The following XRCC4 variants were observed in gnomAD, a reference collection of about 807,000 sequenced individuals.
XRCC4 encodes the protein DNA repair protein XRCC4.
XRCC4 carries 28 observed loss-of-function variants against 39.1 expected under a neutral mutation model. The ratio of observed to expected loss-of-function variants is 0.72; its 90% confidence interval spans 0.53 to 0.98. XRCC4 has a LOEUF of 0.98. Ranked by LOEUF, XRCC4 falls within the 50% of genes least tolerant of loss-of-function variation. The pLI, the probability that XRCC4 is intolerant of heterozygous loss-of-function variation, is 0.00. For missense variants in XRCC4, 350 were observed against 376.4 expected (o/e 0.93, Z 0.58); for synonymous variants, 123 against 126.4 (o/e 0.97, Z 0.18).
chr5:83,108,944 G>C (rs1372530565), intron 2 of XRCC4, among the ~76,000 whole-genome samples: 1 of 150,770 alleles, frequency 6.6e-6, no homozygotes. Flanking sequence ...ACTTCCAATA[G>C]AGAAAATGTG....
chr5:83,189,359 C>A lies in XRCC4; in HGVS notation c.316-6411C>A, dbSNP rs570628243. Among the ~76,000 whole-genome samples, 290 of 152,080 alleles carry A rather than the reference C, an allele frequency of 1.9e-3. 1 individual carries two copies. Among genetic ancestry groups the A allele is most frequent in the African/African-American group, 6.6e-3 (276 of 41,504 alleles). On this transcript the variant is annotated intron_variant, in intron 3 of 7. Coordinates refer to ENST00000396027, the MANE Select transcript of XRCC4 (RefSeq NM_003401.5). Reference sequence around the variant, plus strand: ...AATTATTAAGACCTAAATAAGAATTCTTAGATGACACACTTGAAATATTAA... The same window carrying A: ...AATTATTAAGACCTAAATAAGAATTATTAGATGACACACTTGAAATATTAA...
chr5:83,345,135 A>G (rs1011098936), intron 7 of XRCC4, among the ~76,000 whole-genome samples: 3 of 152,154 alleles, frequency 2.0e-5, no homozygotes, highest in African/African-American at 4.8e-5. Flanking sequence ...TTACTAGCAT[A>G]TGTCGCAGTA....
At chr5:83,168,533 A>C (rs941194582) in intron 3 of XRCC4, among the ~76,000 whole-genome samples, 2 of 152,228 alleles carry the variant, frequency 1.3e-5, no homozygotes, top group South Asian at 4.1e-4. Context: ...GGAAGGAAGG[A>C]TGGATGGACA....
chr5:83,280,346 G>T, intron 7 of XRCC4: 1 of 474,020 alleles, frequency 2.1e-6, no homozygotes, highest in Non-Finnish European at 3.9e-6. Context: ...CCTGATACTA[G>T]ATCATGCATT....
rs367752685 is a variant in XRCC4, at chr5:83,079,936, T to C, written c.-11+2321T>C. ...CGTATGTAAAAATAGTGGATATTTG[T>C]AGTTTTCTGTGGCGCCAGTGCACAG... On this transcript the variant is annotated intron_variant, in intron 1 of 7. Transcript: ENST00000396027. 5.9e-5 allele frequency among the ~76,000 whole-genome samples: 9 copies of C among 152,310 alleles called. No homozygotes were observed. In the East Asian group the frequency reaches 9.7e-4, roughly 16 times the overall value.
intron 1 of XRCC4, among the ~76,000 whole-genome samples, chr5:83,078,241 C>T (rs1296990010): frequency 6.6e-6 from 1 of 152,178 alleles, no homozygotes; most frequent in Non-Finnish European, 1.5e-5. Flanking sequence ...TGAGGTTCTA[C>T]TACACACACA....
intron 3 of XRCC4, among the ~76,000 whole-genome samples, chr5:83,115,447 A>G (rs142923952): frequency 6.6e-6 from 1 of 152,118 alleles, no homozygotes; most frequent in African/African-American, 2.4e-5. Context: ...ACAAACAAAC[A>G]AACAAAAAAA....
At chr5:83,362,763 C>T in the XRCC4 span, among the ~76,000 whole-genome samples, 2 of 152,076 alleles carry the variant, frequency 1.3e-5, no homozygotes, top group African/African-American at 4.8e-5. Context: ...TGATGGCAAA[C>T]CAATGTATTA....
intron 3 of XRCC4, among the ~76,000 whole-genome samples, chr5:83,161,898 C>G (rs1040144580): frequency 1.3e-5 from 2 of 152,088 alleles, no homozygotes; most frequent in Non-Finnish European, 2.9e-5. Context: ...AAATGTTATT[C>G]AATCTTCCTG....
intron 6 of XRCC4, 152 bp downstream of exon 6, chr5:83,205,073 G>A (rs1445669268): frequency 3.6e-6 from 2 of 561,172 alleles, no homozygotes; most frequent in Admixed American, 3.1e-5. Context: ...AATTTTTAAT[G>A]TTAAAACTTA....
chr5:83,102,170 A>T (rs1470063634), intron 1 of XRCC4, among the ~76,000 whole-genome samples: 1 of 152,146 alleles, frequency 6.6e-6, no homozygotes, highest in Non-Finnish European at 1.5e-5. Context: ...AATTGTTTAT[A>T]ATACAACTAG....
At chr5:83,322,512 A>T (rs1413572242) in intron 7 of XRCC4, among the ~76,000 whole-genome samples, 1 of 152,180 alleles carries the variant, frequency 6.6e-6, no homozygotes, top group East Asian at 1.9e-4. Context: ...CAACCGCCGC[A>T]TGCGCATGTC....
chr5:83,240,866 A>G (rs28360199), intron 6 of XRCC4, among the ~76,000 whole-genome samples: 9,100 of 152,274 alleles, frequency 0.06, 997 homozygotes, highest in East Asian at 0.48. Context: ...ACAAGTATGT[A>G]AAAACCAGTG....
chr5:83,211,606 C>A (rs1183003895), intron 6 of XRCC4, among the ~76,000 whole-genome samples: 1 of 152,158 alleles, frequency 6.6e-6, no homozygotes, highest in Admixed American at 6.5e-5. Context: ...TCAACATACT[C>A]CTGTTCCTGC....
chr5:83,316,108 A>T (rs980488173), intron 7 of XRCC4, among the ~76,000 whole-genome samples: 6 of 152,122 alleles, frequency 3.9e-5, no homozygotes, highest in Non-Finnish European at 7.4e-5. Flanking sequence ...CTTGTGGATG[A>T]TTAGGGGGTT....
chr5:83,091,799 A>C (rs931963041), intron 1 of XRCC4, among the ~76,000 whole-genome samples: 1 of 152,136 alleles, frequency 6.6e-6, no homozygotes, highest in Non-Finnish European at 1.5e-5. Context: ...TTATTTGGCT[A>C]TTGTCTAGTG....
At chr5:83,082,370 T>C (rs925959710) in intron 1 of XRCC4, among the ~76,000 whole-genome samples, 2 of 152,208 alleles carry the variant, frequency 1.3e-5, no homozygotes, top group Admixed American at 1.3e-4. Context: ...TATGGTTTAG[T>C]TGATAGAAAT....
At chr5:83,246,831 A>T (rs1753120507) in intron 6 of XRCC4, among the ~76,000 whole-genome samples, 1 of 152,210 alleles carries the variant, frequency 6.6e-6, no homozygotes, top group African/African-American at 2.4e-5. Context: ...AGCACATTTT[A>T]TGAATTTCAG....
chr5:83,374,132 G>A, the XRCC4 span, among the ~76,000 whole-genome samples: 3 of 152,124 alleles, frequency 2.0e-5, no homozygotes, highest in African/African-American at 7.2e-5. Context: ...ACCCAGAAGA[G>A]GTTACTTTTA....
Sources: allele counts gnomAD v4.1 joint callset (sites outside exome capture counted in the v4.1 genomes callset), GRCh38; gene constraint gnomAD v4.1.1; transcripts MANE v1.5; gene names NCBI Gene and HGNC (gene_info 2026-07-23, HGNC 2026-07-21).